The following FCRL4 variants were observed in gnomAD, a reference collection of about 807,000 sequenced individuals.
The protein encoded by FCRL4 is Fc receptor-like protein 4.
Under a neutral mutation model 64.1 loss-of-function variants are expected in FCRL4, and 43 were observed. The ratio of observed to expected loss-of-function variants is 0.67; its 90% confidence interval spans 0.53 to 0.87. FCRL4 has a LOEUF of 0.87. Among genes scored for constraint, FCRL4 ranks in the 40% least tolerant of loss-of-function variants. The probability of loss-of-function intolerance (pLI) is 0.00; values close to 1 mark genes in which losing one functional copy is unlikely to be tolerated. For synonymous variants in FCRL4, 253 were observed against 239.8 expected (o/e 1.05, Z -0.51); for missense variants, 656 against 613.5 (o/e 1.07, Z -0.73).
intron 5 of FCRL4, among the ~76,000 whole-genome samples, chr1:157,586,851 T>C (rs546311156): frequency 2.1e-4 from 32 of 152,196 alleles, no homozygotes; most frequent in Admixed American, 8.5e-4. Context: ...TATCTATCTA[T>C]CTCTCCTTCT....
rs1332715547 is a variant in FCRL4 at position 157,587,605 on chromosome 1, G to GGTTT, written c.563-46_563-45insAAAC. 2.5e-6 allele frequency: 4 copies of GGTTT among 1,584,934 alleles called. No individual in the cohort carries two copies. The Admixed American group carries it at 6.8e-5, about 27-fold the overall frequency. ...CAAGTTCTGAGCACGAGAGTATTTA[G>GGTTT]GACTCTGTGAGAGACAGGTTTGGAT... On this transcript the variant is annotated intron_variant, in intron 4 of 11. Transcript: ENST00000271532.
intron 10 of FCRL4, among the ~76,000 whole-genome samples, chr1:157,577,896 CAGGCT>C (rs1652451321): frequency 6.6e-6 from 1 of 152,156 alleles, no homozygotes; most frequent in Non-Finnish European, 1.5e-5. Flanking sequence ...GCTTTACTAT[CAGGCT>C]AGATTAACCC....
chr1:157,589,582 G>A (rs1652789786), intron 2 of FCRL4, 124 bp from the exon 3 acceptor site: 5 of 1,220,250 alleles, frequency 4.1e-6, no homozygotes, highest in Admixed American at 4.6e-5. Flanking sequence ...GATGACTTCT[G>A]TTTACCCAGG....
At chr1:157,592,373 T>A (rs1652857693) in intron 2 of FCRL4, among the ~76,000 whole-genome samples, 1 of 151,736 alleles carries the variant, frequency 6.6e-6, no homozygotes, top group Non-Finnish European at 1.5e-5. Flanking sequence ...ATCCAGAATC[T>A]ACAAAGAACT....
chr1:157,586,325 C>A lies in FCRL4; in HGVS notation c.978G>T (p.Glu326Asp). 6.2e-7 allele frequency: 1 copy of A among 1,613,948 alleles called. No individual in the cohort carries two copies. The highest frequency in any genetic ancestry group is 8.5e-7 in the Non-Finnish European group (1 of 1,180,004). The part of the protein sequence containing the change: ...TGDTTFSWHR[E>D]DMQESLGRKT... Reference sequence around the variant, plus strand: ...TCCTCCCCAGACTCTCCTGCATGTCCTCTCGGTGCCAGGAGAATGTGGTAT... The same window carrying A: ...TCCTCCCCAGACTCTCCTGCATGTCATCTCGGTGCCAGGAGAATGTGGTAT... Residue 326 changes from glutamate (E) to aspartate (D), a missense_variant, in exon 6 of 12, where the codon GAG (glutamate) becomes GAT (aspartate). By Grantham distance (45) the Glu-to-Asp change is conservative. Transcript: ENST00000271532.
At position 157,588,101 on chromosome 1, in the gene FCRL4, G is replaced by T. The variant is rs2101683491; in HGVS notation, c.326C>A (p.Ala109Glu). Residue 109 changes from alanine (A) to glutamate (E), a missense_variant, in exon 4 of 12, where the codon GCA becomes GAA. Ala to Glu is a moderately radical substitution (Grantham distance 107, BLOSUM62 -1). Transcript: ENST00000271532. Reference protein sequence around the residue: ...LFSSDSLILQAPYSVFEGDTL... With the variant: ...LFSSDSLILQEPYSVFEGDTL... The stretch of plus-strand genomic sequence containing the variant: ...GTCACCTTCAAACACAGAATATGGT[G>T]CCTGCAGGATTAAGGAGTCTGGAAA... The T allele has an allele frequency of 6.2e-7, 1 of 1,613,178 alleles. No individual in the cohort carries two copies. Among genetic ancestry groups the T allele is most frequent in the Non-Finnish European group, 8.5e-7 (1 of 1,179,648 alleles).
intron 8 of FCRL4, 46 bp from the exon 9 acceptor site, chr1:157,578,898 T>C (rs778401628): frequency 2.7e-6 from 4 of 1,472,898 alleles, no homozygotes; most frequent in Admixed American, 1.9e-5. Context: ...CACTGTAACA[T>C]GCGGGAGAGT....
chr1:157,589,824 C>CCT (rs1405433207), intron 2 of FCRL4, among the ~76,000 whole-genome samples: 3 of 152,192 alleles, frequency 2.0e-5, no homozygotes, highest in Middle Eastern at 3.2e-3. Context: ...GTTACAGAGA[C>CCT]CTCTCTAAGA....
At chr1:157,588,344 T>C (rs1243750998) in intron 3 of FCRL4, among the ~76,000 whole-genome samples, 1 of 152,164 alleles carries the variant, frequency 6.6e-6, no homozygotes, top group Non-Finnish European at 1.5e-5. Context: ...ATTCCAAAGA[T>C]AAGGAGTCTA....
In FCRL4 at chr1:157,589,588, C is replaced by T. The variant is rs1210193752; in HGVS notation, c.53-130G>A. 5.0e-6 allele frequency: 6 copies of T among 1,207,408 alleles called. 1 individual carries two copies. The highest frequency in any genetic ancestry group is 6.9e-6 in the Non-Finnish European group (6 of 874,864). The allele number at this position is 1,207,408 out of a possible 1,614,324, so 74.8% of individuals were successfully genotyped here. A position where few individuals can be genotyped will look rare whatever the true frequency, so the allele number is the denominator to read the frequency against. ...ATGCCCCCGGATGACTTCTGTTTACCCAGGTTGCAGGTGAGCTGTGCTCAC... is the reference window on the plus strand; with the variant it reads ...ATGCCCCCGGATGACTTCTGTTTACTCAGGTTGCAGGTGAGCTGTGCTCAC... On this transcript the variant is annotated intron_variant, in intron 2 of 11. Coordinates refer to ENST00000271532, the MANE Select transcript of FCRL4 (RefSeq NM_031282.3).
Position 157,587,908 on chromosome 1 carries a change from C to T in FCRL4, c.519G>A (p.Glu173=), listed in dbSNP as rs780401749. ...TGAAATTTGATCTAAATACATCATT[C>T]TCGTCTCCATATCCAATGCATCGAT... is the stretch of plus-strand genomic sequence containing the variant. ...GNYRCIGYGD[E]NDVFRSNFKI... The change falls in exon 4 of 12, where the codon GAG becomes GAA. Residue 173 remains glutamate, a synonymous_variant. Coordinates refer to ENST00000271532, the MANE Select transcript of FCRL4 (RefSeq NM_031282.3). 28 of 1,610,426 alleles carry T rather than the reference C, an allele frequency of 1.7e-5. No individual in the cohort carries two copies. Among genetic ancestry groups the T allele is most frequent in the Non-Finnish European group, 2.4e-5 (28 of 1,177,258 alleles).
At chr1:157,596,383 G>A (rs1019776430) in intron 1 of FCRL4, 35 bp from the exon 2 acceptor site, 1 of 1,613,614 alleles carries the variant, frequency 6.2e-7, no homozygotes, top group South Asian at 1.1e-5. Context: ...ATCAGCGTAG[G>A]CGAAGAGTCC....
chr1:157,589,126 C>T, intron 3 of FCRL4, 78 bp downstream of exon 3: 1 of 1,489,986 alleles, frequency 6.7e-7, no homozygotes, highest in Non-Finnish European at 9.2e-7. Flanking sequence ...TGAAAGACCC[C>T]AGTTCGTGGA....
At chr1:157,584,685 C>T (rs1652634588) in intron 6 of FCRL4, among the ~76,000 whole-genome samples, 1 of 152,012 alleles carries the variant, frequency 6.6e-6, no homozygotes, top group Non-Finnish European at 1.5e-5. Flanking sequence ...CCTGGTGGGC[C>T]CTGCTTGATC....
chr1:157,588,684 G>A (rs780657867), intron 3 of FCRL4, among the ~76,000 whole-genome samples: 23 of 152,136 alleles, frequency 1.5e-4, no homozygotes, highest in Non-Finnish European at 2.5e-4. Context: ...CCTGTAGTCC[G>A]TGCCCTTGGA....
intron 8 of FCRL4, among the ~76,000 whole-genome samples, chr1:157,579,065 A>T (rs1652485803): frequency 6.6e-6 from 1 of 152,196 alleles, no homozygotes; most frequent in Non-Finnish European, 1.5e-5. Flanking sequence ...TGTGGTATGG[A>T]CAGGCTGCCT....
chr1:157,575,366 C>T lies in FCRL4; in HGVS notation c.*158G>A, dbSNP rs999424631. 26 of 631,530 alleles carry T rather than the reference C, an allele frequency of 4.1e-5. No individual in the cohort carries two copies. The highest frequency in any genetic ancestry group is 3.6e-4 in the East Asian group (13 of 36,516). The allele number at this position is 631,530 out of a possible 1,614,324, so 39.1% of individuals were successfully genotyped here. A position where few individuals can be genotyped will look rare whatever the true frequency, so the allele number is the denominator to read the frequency against. On this transcript the variant is annotated 3_prime_UTR_variant, in exon 12 of 12. Coordinates refer to ENST00000271532, the MANE Select transcript of FCRL4 (RefSeq NM_031282.3). The stretch of plus-strand genomic sequence containing the variant: ...CATTCCATCCCAACATCAGAGTAGA[C>T]GAATGAGTATTCCTGGGAGTGAATG...
intron 10 of FCRL4, among the ~76,000 whole-genome samples, chr1:157,577,887 C>G (rs1215114781): frequency 6.6e-6 from 1 of 152,102 alleles, no homozygotes; most frequent in Non-Finnish European, 1.5e-5. Flanking sequence ...AAATGCATTG[C>G]TTTACTATCA....
At chr1:157,596,394 C>A (rs761077294) in intron 1 of FCRL4, 46 bp from the exon 2 acceptor site, 3 of 1,611,430 alleles carry the variant, frequency 1.9e-6, no homozygotes, top group East Asian at 2.2e-5. Context: ...CGAAGAGTCC[C>A]GAACTATTCA....
Sources: gnomAD v4.1 joint callset for allele counts (sites outside exome capture counted in the v4.1 genomes callset) on GRCh38, gnomAD v4.1.1 for gene constraint, MANE v1.5 for transcripts, NCBI Gene and HGNC (gene_info 2026-07-23, HGNC 2026-07-21) for gene names.